The following GDE1 variants were observed in gnomAD, a reference collection of about 807,000 sequenced individuals.
GDE1 encodes RGS16-interacting membrane protein.
Under a neutral mutation model 32.2 loss-of-function variants are expected in GDE1, and 24 were observed. The observed-to-expected ratio is 0.75, with a 90% CI of 0.54 to 1.05. The LOEUF (loss-of-function observed/expected upper bound fraction) is 1.05, where lower values mean the gene tolerates loss of function less well. Among genes scored for constraint, GDE1 ranks in the 50% least tolerant of loss-of-function variants. The pLI is 0.00. For synonymous variants in GDE1, 159 were observed against 158.6 expected (o/e 1.00, Z -0.02); for missense variants, 380 against 415.0 (o/e 0.92, Z 0.73).
Position 19,522,066 on chromosome 16 carries a change from A to C in GDE1, c.-102T>G. On this transcript the variant is annotated 5_prime_UTR_variant, in exon 1 of 6. Coordinates refer to ENST00000353258, the MANE Select transcript of GDE1 (RefSeq NM_016641.4). ...GAGGGTCCAAGGCACCGGCAGCAGC[A>C]GGAACCCTCTGAGGGGACCAGCGCC... 1.6e-6 allele frequency: 2 copies of C among 1,268,756 alleles called. No individual in the cohort carries two copies. Among genetic ancestry groups the C allele is most frequent in the Non-Finnish European group, 1.1e-6 (1 of 939,930 alleles). The allele number at this position is 1,268,756 out of a possible 1,614,324, so 78.6% of individuals were successfully genotyped here. A position where few individuals can be genotyped will look rare whatever the true frequency, so the allele number is the denominator to read the frequency against.
intron 5 of GDE1, 155 bp from the exon 6 acceptor site, chr16:19,503,772 A>C: frequency 1.6e-6 from 1 of 612,252 alleles, no homozygotes; most frequent in Non-Finnish European, 2.9e-6. Flanking sequence ...ACTGTTCCAA[A>C]ACCCAGGATG....
chr16:19,519,340 C>CCCTGCT (rs1969419767), intron 1 of GDE1, among the ~76,000 whole-genome samples: 1 of 151,870 alleles, frequency 6.6e-6, no homozygotes, highest in Non-Finnish European at 1.5e-5. Flanking sequence ...GATTCTGTTT[C>CCCTGCT]CCAAGGCCTG....
rs374018494 is a variant in GDE1 at position 19,505,060 on chromosome 16, T to C, written c.669A>G (p.Ala223=). Reference sequence around the variant, plus strand: ...TTAGGCTCCAAGGTCTGTGAGTTAATGCTGTTATTACATCCCGATCTGTTT... The same window carrying C: ...TTAGGCTCCAAGGTCTGTGAGTTAACGCTGTTATTACATCCCGATCTGTTT... ...MRQTDRDVIT[A]LTHRPWSLSH... The change falls in exon 5 of 6, where the codon GCA becomes GCG. Residue 223 remains alanine, a synonymous_variant. Coordinates refer to ENST00000353258, the MANE Select transcript of GDE1 (RefSeq NM_016641.4). 1.2e-6 allele frequency: 2 copies of C among 1,612,526 alleles called. No homozygotes were observed.
At position 19,516,909 on chromosome 16, in the gene GDE1, C is replaced by T. The variant is rs953400535; in HGVS notation, c.437+105G>A. 7 of 1,011,226 alleles carry T rather than the reference C, an allele frequency of 6.9e-6. No individual in the cohort carries two copies. The African/African-American group carries it at 9.6e-5, about 14-fold the overall frequency. The allele number at this position is 1,011,226 out of a possible 1,614,324, so 62.6% of individuals were successfully genotyped here. ...TACAAGACCTACGTACAGTTCAAAA[C>T]AAAACAAGACAACTCTCCTGGGGCA... On this transcript the variant is annotated intron_variant, in intron 2 of 5. Transcript: ENST00000353258.
chr16:19,505,028 G>A lies in GDE1; in HGVS notation c.701C>T (p.Thr234Ile). The change falls in exon 5 of 6, where the codon ACA (threonine) becomes ATA (isoleucine). Residue 234 changes from threonine (T) to isoleucine (I), a missense_variant. Physicochemically the swap from Thr to Ile is moderately conservative, Grantham distance 89. Transcript: ENST00000353258. The part of the protein sequence containing the change: ...LTHRPWSLSH[T>I]GDGKPRYDTF... ...ATCATAGCGTGGTTTCCCATCTCCT[G>A]TATGGCTTAGGCTCCAAGGTCTGTG... 6.2e-7 allele frequency: 1 copy of A among 1,612,902 alleles called. No individual in the cohort carries two copies. Among genetic ancestry groups the A allele is most frequent in the Non-Finnish European group, 8.5e-7 (1 of 1,178,870 alleles).
rs1330865761 is a variant in GDE1, at chr16:19,502,788, T to C, written c.*682A>G. 6.6e-6 allele frequency: 1 copy of C among 152,244 alleles called. No homozygotes were observed. Among genetic ancestry groups the C allele is most frequent in the Non-Finnish European group, 1.5e-5 (1 of 68,064 alleles). 9.4% of individuals were successfully genotyped at this position (152,244 alleles called of 1,614,324 possible). ...TAATTGCCTATGATCAGATCACATC[T>C]GTTGCAGAGCTTCCTAAAAAGCCTG... On this transcript the variant is annotated 3_prime_UTR_variant, in exon 6 of 6. Transcript: ENST00000353258.
intron 1 of GDE1, chr16:19,521,142 C>G (rs1223362536): frequency 6.5e-6 from 1 of 153,088 alleles, no homozygotes; most frequent in African/African-American, 2.4e-5. Flanking sequence ...TCTTTGTTCT[C>G]TTCCTTGAAG....
At chr16:19,520,408 G>GAA (rs71375647) in intron 1 of GDE1, among the ~76,000 whole-genome samples, 51 of 131,590 alleles carry the variant, frequency 3.9e-4, no homozygotes, top group African/African-American at 1.0e-3. Flanking sequence ...TAAAAAAAAA[G>GAA]AAAAAAAAAA....
chr16:19,505,470 T>C (rs1327673682), intron 4 of GDE1, among the ~76,000 whole-genome samples: 1 of 152,250 alleles, frequency 6.6e-6, no homozygotes, highest in Middle Eastern at 3.4e-3. Flanking sequence ...CAAGGTCAGT[T>C]CAAGATGGGC....
At position 19,510,796 on chromosome 16, in the gene GDE1, A is replaced by C. The variant is rs369729550; in HGVS notation, c.543+43T>G. ...TTCGGAAATGACCGTCAATGAAATAAGATGTCTTTTTAACAAAGTGAAGTC... is the reference window on the plus strand; with the variant it reads ...TTCGGAAATGACCGTCAATGAAATACGATGTCTTTTTAACAAAGTGAAGTC... On this transcript the variant is annotated intron_variant, in intron 3 of 5. Coordinates refer to ENST00000353258, the MANE Select transcript of GDE1 (RefSeq NM_016641.4). 6.2e-5 allele frequency: 52 copies of C among 832,222 alleles called. No homozygotes were observed. The African/African-American group carries it at 8.7e-4, about 14-fold the overall frequency. 51.6% of individuals were successfully genotyped at this position (832,222 alleles called of 1,614,324 possible).
rs780257381 is a variant in GDE1 at position 19,521,854 on chromosome 16, G to A, written c.111C>T (p.Ser37=). The A allele has an allele frequency of 1.9e-6, 3 of 1,608,452 alleles. No individual in the cohort carries two copies. Among genetic ancestry groups the A allele is most frequent in the East Asian group, 2.2e-5 (1 of 44,636 alleles). ...SPVNACLLTG[S]LFVLLRVFSF... is the part of the protein sequence containing the mutation. Reference sequence around the variant, plus strand: ...TGAAGACGCGCAGTAGAACGAAGAGGCTGCCGGTGAGGAGGCAGGCATTGA... The same window carrying A: ...TGAAGACGCGCAGTAGAACGAAGAGACTGCCGGTGAGGAGGCAGGCATTGA... Residue 37 remains serine, a synonymous_variant, in exon 1 of 6, where the codon AGC becomes AGT. Transcript: ENST00000353258.
chr16:19,504,531 G>A lies in GDE1; in HGVS notation c.848+350C>T, dbSNP rs749934330. On this transcript the variant is annotated intron_variant, in intron 5 of 5. Coordinates refer to ENST00000353258, the MANE Select transcript of GDE1 (RefSeq NM_016641.4). ...CTATAACATAAGACGGTAGTGGGGA[G>A]GCTGGTGCCCACAGGATGTCTTCAC... 4.0e-5 allele frequency: 8 copies of A among 200,326 alleles called. No individual in the cohort carries two copies. In the East Asian group the frequency reaches 5.3e-4, roughly 13 times the overall value. The allele number at this position is 200,326 out of a possible 1,614,324, so 12.4% of individuals were successfully genotyped here. A position where few individuals can be genotyped will look rare whatever the true frequency, so the allele number is the denominator to read the frequency against.
chr16:19,506,830 T>C (rs561468740), intron 4 of GDE1, among the ~76,000 whole-genome samples: 1 of 152,256 alleles, frequency 6.6e-6, no homozygotes, highest in Admixed American at 6.5e-5. Context: ...ATTGTGGCTA[T>C]GTTTTTAAAA....
chr16:19,508,576 AT>A (rs1406324398), intron 3 of GDE1, among the ~76,000 whole-genome samples: 1 of 152,224 alleles, frequency 6.6e-6, no homozygotes, highest in African/African-American at 2.4e-5. Context: ...AAGGACACAA[AT>A]TATCCATGTC....
intron 4 of GDE1, among the ~76,000 whole-genome samples, chr16:19,506,079 C>T (rs1043836129): frequency 6.6e-6 from 1 of 152,132 alleles, no homozygotes; most frequent in Non-Finnish European, 1.5e-5. Context: ...ATGTCAAGTG[C>T]CTCCTGACGG....
rs1445659391 is a variant in GDE1, at chr16:19,503,184, T to G, written c.*286A>C. 2.3e-6 allele frequency: 1 copy of G among 426,792 alleles called. No homozygotes were observed. Among genetic ancestry groups the G allele is most frequent in the Non-Finnish European group, 4.3e-6 (1 of 233,272 alleles). The allele number at this position is 426,792 out of a possible 1,614,324, so 26.4% of individuals were successfully genotyped here. A position where few individuals can be genotyped will look rare whatever the true frequency, so the allele number is the denominator to read the frequency against. ...AACTGTACAATTCAATCTGTGCTTA[T>G]CCTCACTGGGTCTCCCTGTGTGCCT... On this transcript the variant is annotated 3_prime_UTR_variant, in exon 6 of 6. Transcript: ENST00000353258.
intron 2 of GDE1, among the ~76,000 whole-genome samples, chr16:19,514,285 T>C (rs988128828): frequency 3.9e-5 from 6 of 152,138 alleles, no homozygotes; most frequent in Non-Finnish European, 7.4e-5. Flanking sequence ...GGGTGAGGTA[T>C]GGGGAAAGGG....
chr16:19,511,259 C>T (rs568915400), intron 2 of GDE1, among the ~76,000 whole-genome samples: 4 of 152,112 alleles, frequency 2.6e-5, no homozygotes, highest in East Asian at 1.9e-4. Context: ...TGTGACACCA[C>T]GCCTGGCTAA....
At chr16:19,519,941 G>C (rs1969428105) in intron 1 of GDE1, among the ~76,000 whole-genome samples, 1 of 152,170 alleles carries the variant, frequency 6.6e-6, no homozygotes. Flanking sequence ...CAACCTGGGA[G>C]GTGGAAGTTG....
Sources: gnomAD v4.1 joint callset for allele counts (sites outside exome capture counted in the v4.1 genomes callset) on GRCh38, gnomAD v4.1.1 for gene constraint, MANE v1.5 for transcripts, NCBI Gene and HGNC (gene_info 2026-07-23, HGNC 2026-07-21) for gene names.